Variants in ARHGAP44 observed in about 807,000 individuals in gnomAD.
ARHGAP44 encodes the protein rho GTPase-activating protein 44.
In ARHGAP44, 43 loss-of-function variants were observed where a neutral mutation model predicts 106.8. The ratio of observed to expected loss-of-function variants is 0.40; its 90% CI spans 0.32 to 0.52. The LOEUF is 0.52. Among genes scored for constraint, ARHGAP44 ranks in the 20% least tolerant of loss-of-function variants. ARHGAP44 has a pLI of 0.48. For synonymous variants in ARHGAP44, 439 were observed against 410.3 expected, an observed-to-expected ratio of 1.07 and a Z score of -0.85; for missense variants, 866 against 1,050.5, an observed-to-expected ratio of 0.82 and a Z score of 2.43.
intron 1 of ARHGAP44, among the ~76,000 whole-genome samples, chr17:12,820,176 A>G (rs1364413310): frequency 1.3e-5 from 2 of 152,140 alleles, no homozygotes; most frequent in Non-Finnish European, 2.9e-5. Context: ...TCTGTCACAA[A>G]TCAGTTGATA....
intron 6 of ARHGAP44, among the ~76,000 whole-genome samples, chr17:12,920,416 A>C (rs2038048356): frequency 6.6e-6 from 1 of 150,650 alleles, no homozygotes; most frequent in Non-Finnish European, 1.5e-5. Flanking sequence ...TAGTTTTGGA[A>C]GGCGATGATG....
intron 3 of ARHGAP44, among the ~76,000 whole-genome samples, chr17:12,896,764 G>A (rs1467996734): frequency 1.3e-5 from 2 of 152,208 alleles, no homozygotes; most frequent in Non-Finnish European, 2.9e-5. Context: ...GTCCTCCCCA[G>A]CTTGGAGCAA....
chr17:12,858,764 A>T (rs559299532), intron 1 of ARHGAP44, among the ~76,000 whole-genome samples: 1 of 152,206 alleles, frequency 6.6e-6, no homozygotes, highest in African/African-American at 2.4e-5. Flanking sequence ...CATGCTGCTT[A>T]TAAAGACATA....
chr17:12,926,508 T>A (rs921838699), intron 6 of ARHGAP44, among the ~76,000 whole-genome samples: 13 of 145,490 alleles, frequency 8.9e-5, no homozygotes, highest in South Asian at 2.1e-4. Context: ...TGTATATATA[T>A]TATATATGCA....
Position 12,952,532 on chromosome 17 carries a change from C to G in ARHGAP44, c.1087C>G (p.Leu363Val). ...GGAGCAAGACAAGAAGCTTCAGGCT[C>G]TATGGAATGCTTGTGAAAAGTTGCC... ...VQEQDKKLQA[L>V]WNACEKLPKA... The change falls in exon 13 of 21, where the codon CTA becomes GTA. Residue 363 changes from leucine to valine, a missense_variant. Leu to Val is a conservative substitution (Grantham distance 32). Around this residue, in one of 2 missense-constraint regions of ARHGAP44, gnomAD observed 448 missense variants for 646.9 expected, o/e 0.69. Transcript: ENST00000379672. 6.3e-7 allele frequency: 1 copy of G among 1,581,362 alleles called. No individual in the cohort carries two copies. The highest frequency in any genetic ancestry group is 8.6e-7 in the Non-Finnish European group (1 of 1,163,116).
chr17:12,808,758 T>C (rs2034353075), intron 1 of ARHGAP44, among the ~76,000 whole-genome samples: 1 of 152,216 alleles, frequency 6.6e-6, no homozygotes, highest in African/African-American at 2.4e-5. Context: ...TGATTAAGAT[T>C]TGGCTCCTCG....
rs750935698 is a variant in ARHGAP44, at chr17:12,955,874, A to G, written c.1144A>G (p.Ile382Val). The G allele has an allele frequency of 1.9e-6, 3 of 1,611,452 alleles. No homozygotes were observed. Among genetic ancestry groups the G allele is most frequent in the Non-Finnish European group, 2.5e-6 (3 of 1,178,262 alleles). ...CTTCTAATTTTCTTTTAGATACTTGATAAAATTTTTATCCAAGCTGTCAGA... is the reference window on the plus strand; with the variant it reads ...CTTCTAATTTTCTTTTAGATACTTGGTAAAATTTTTATCCAAGCTGTCAGA... ...KANHNNIRYLIKFLSKLSEYQ... is the reference protein window; with the variant it reads ...KANHNNIRYLVKFLSKLSEYQ... The change falls in exon 14 of 21, where the codon ATA becomes GTA. Residue 382 changes from isoleucine to valine, a missense_variant. Around this residue, in one of 2 missense-constraint regions of ARHGAP44, gnomAD observed 448 missense variants for 646.9 expected, o/e 0.69. Transcript: ENST00000379672.
intron 1 of ARHGAP44, among the ~76,000 whole-genome samples, chr17:12,805,536 T>C (rs1188793209): frequency 6.6e-6 from 1 of 151,652 alleles, no homozygotes; most frequent in African/African-American, 2.4e-5. Flanking sequence ...ACTTTGGCGT[T>C]AGAATTATTA....
chr17:12,990,787 T>G lies in ARHGAP44; in HGVS notation c.*616T>G, dbSNP rs1296388911. 1 of 152,270 alleles carries G rather than the reference T, an allele frequency of 6.6e-6. No homozygotes were observed. Among genetic ancestry groups the G allele is most frequent in the Non-Finnish European group, 1.5e-5 (1 of 68,090 alleles). 9.4% of individuals were successfully genotyped at this position (152,270 alleles called of 1,614,324 possible). A position where few individuals can be genotyped will look rare whatever the true frequency, so the allele number is the denominator to read the frequency against. Reference sequence around the variant, plus strand: ...GTAAATGGCTGAAAACAAAAATGTTTCACTTCCTAACAGTTTTCCTTTTTC... The same window carrying G: ...GTAAATGGCTGAAAACAAAAATGTTGCACTTCCTAACAGTTTTCCTTTTTC... On this transcript the variant is annotated 3_prime_UTR_variant, in exon 21 of 21. Transcript: ENST00000379672.
At position 12,949,711 on chromosome 17, in the gene ARHGAP44, G is replaced by C; in HGVS notation, c.1036G>C (p.Glu346Gln). Reference sequence around the variant, plus strand: ...TCTTATGACCTTTGAACTCTATGATGAGTGGATCCAGGCTTCCAAGTGAGT... The same window carrying C: ...TCTTATGACCTTTGAACTCTATGATCAGTGGATCCAGGCTTCCAAGTGAGT... ...EPLMTFELYDEWIQASNVQEQ... is the reference protein window; with the variant it reads ...EPLMTFELYDQWIQASNVQEQ... The change falls in exon 12 of 21, where the codon GAG becomes CAG. Residue 346 changes from glutamate (E) to glutamine (Q), a missense_variant. Coordinates refer to ENST00000379672, the MANE Select transcript of ARHGAP44 (RefSeq NM_014859.6). This position sits in a 1 kb window ranked among gnomAD's most constrained non-coding sequence, Gnocchi z 4.1. The C allele has an allele frequency of 6.2e-7, 1 of 1,613,674 alleles. No individual in the cohort carries two copies. Among genetic ancestry groups the C allele is most frequent in the Non-Finnish European group, 8.5e-7 (1 of 1,179,764 alleles).
rs903899338 is a variant in ARHGAP44 at position 12,944,017 on chromosome 17, A to G, written c.734-52A>G. On this transcript the variant is annotated intron_variant, in intron 9 of 20. Coordinates refer to ENST00000379672, the MANE Select transcript of ARHGAP44 (RefSeq NM_014859.6). ...CAACAAAGGAAAGCGAGATTCCAGC[A>G]TGAGTGAACTTGGCGAACAGCTGAC... is the stretch of plus-strand genomic sequence containing the variant. 28 of 1,535,768 alleles carry G rather than the reference A, an allele frequency of 1.8e-5. No individual in the cohort carries two copies. The Admixed American group carries it at 3.5e-4, about 19-fold the overall frequency.
chr17:12,839,255 A>G (rs1425810499), intron 1 of ARHGAP44, among the ~76,000 whole-genome samples: 2 of 152,142 alleles, frequency 1.3e-5, no homozygotes, highest in African/African-American at 2.4e-5. Flanking sequence ...TAATCTTCCT[A>G]TCTTAACATC....
rs2034154009 is a variant in ARHGAP44, at chr17:12,802,956, TATATA to T, written c.53+13066_53+13070del. On this transcript the variant is annotated intron_variant, in intron 1 of 20. Transcript: ENST00000379672. The stretch of plus-strand genomic sequence containing the variant: ...ATATATATATATATATATATATATA[TATATA>T]TATATATATTTTTTTTTTTTTTTTT... Among the ~76,000 whole-genome samples the T allele has an allele frequency of 1.2e-4, 3 of 25,862 alleles. 1 individual carries two copies. In the African/African-American group the frequency reaches 1.2e-3, roughly 11 times the overall value. 17.0% of individuals were successfully genotyped at this position (25,862 alleles called of 152,430 possible).
chr17:12,911,347 CAT>C (rs944222404), intron 4 of ARHGAP44, among the ~76,000 whole-genome samples: 7 of 151,268 alleles, frequency 4.6e-5, no homozygotes, highest in Non-Finnish European at 7.4e-5. Context: ...CCTTAAAAGA[CAT>C]AAACCCACAA....
intron 1 of ARHGAP44, among the ~76,000 whole-genome samples, chr17:12,849,730 C>T (rs1311443999): frequency 5.3e-5 from 8 of 151,968 alleles, no homozygotes. Context: ...AAATTATTGG[C>T]TTTCTAAAAT....
At chr17:12,914,600 G>C (rs1443717578) in intron 4 of ARHGAP44, among the ~76,000 whole-genome samples, 1 of 152,070 alleles carries the variant, frequency 6.6e-6, no homozygotes, top group Non-Finnish European at 1.5e-5. Context: ...TTCGAGACCA[G>C]TCTGGCCAAC....
rs763722971 is a variant in ARHGAP44, at chr17:12,990,050, T to G, written c.2336T>G (p.Ile779Ser). 1.2e-6 allele frequency: 2 copies of G among 1,605,208 alleles called. No homozygotes were observed. The highest frequency in any genetic ancestry group is 1.3e-5 in the African/African-American group (1 of 74,910). The stretch of plus-strand genomic sequence containing the variant: ...CTTCCAGATCTTGTCCACTTTGATA[T>G]TCCCTCGATCCACATAGAGCTCGGG... ...SMSTDLVHFD[I>S]PSIHIELGST... is the part of the protein sequence containing the mutation. Residue 779 changes from isoleucine to serine, a missense_variant, in exon 21 of 21, where the codon ATT becomes AGT. Coordinates refer to ENST00000379672, the MANE Select transcript of ARHGAP44 (RefSeq NM_014859.6).
At chr17:12,856,565 G>C (rs959077843) in intron 1 of ARHGAP44, among the ~76,000 whole-genome samples, 1 of 152,126 alleles carries the variant, frequency 6.6e-6, no homozygotes, top group Non-Finnish European at 1.5e-5. Flanking sequence ...TTTCCCCATA[G>C]AAGTTTTTAT....
At chr17:12,950,477 C>A (rs1025458951) in intron 12 of ARHGAP44, among the ~76,000 whole-genome samples, 1 of 152,156 alleles carries the variant, frequency 6.6e-6, no homozygotes, top group Admixed American at 6.5e-5. Flanking sequence ...AAGCCACTAG[C>A]CCAGCCCTGA....
Sources: allele counts gnomAD v4.1 joint callset (sites outside exome capture counted in the v4.1 genomes callset), GRCh38; gene constraint gnomAD v4.1.1; regional missense constraint gnomAD v4.1.1; non-coding constraint Gnocchi (gnomAD v3.1); transcripts MANE v1.5; gene names NCBI Gene and HGNC (gene_info 2026-07-23, HGNC 2026-07-21).